The following AFF3 variants were observed in gnomAD, a reference collection of about 807,000 sequenced individuals.
The protein encoded by AFF3 is AF4/FMR2 family member 3.
AFF3 carries 32 observed loss-of-function variants against 129.7 expected under a neutral mutation model. The ratio of observed to expected loss-of-function variants is 0.25; its 90% confidence interval spans 0.19 to 0.33. The LOEUF is 0.33. Among genes scored for constraint, AFF3 ranks in the 10% least tolerant of loss-of-function variants. The pLI, the probability that AFF3 is intolerant of heterozygous loss-of-function variation, is 1.00. For synonymous variants in AFF3, 644 were observed against 635.4 expected, an observed-to-expected ratio of 1.01 and a Z score of -0.20; for missense variants, 1,373 against 1,592.0, an observed-to-expected ratio of 0.86 and a Z score of 2.34.
intron 18 of AFF3, among the ~76,000 whole-genome samples, chr2:99,573,598 CTA>C (rs1215681101): frequency 6.6e-6 from 1 of 152,182 alleles, no homozygotes; most frequent in Non-Finnish European, 1.5e-5. Flanking sequence ...TTCCCATCCT[CTA>C]TAAAATTAAA....
intron 7 of AFF3, among the ~76,000 whole-genome samples, chr2:99,906,594 G>A (rs1270022014): frequency 6.6e-6 from 1 of 152,066 alleles, no homozygotes; most frequent in Non-Finnish European, 1.5e-5. Context: ...TGACTTTAAG[G>A]AAGAGCATCC....
At chr2:99,745,550 A>G (rs1464636260) in intron 9 of AFF3, among the ~76,000 whole-genome samples, 1 of 152,136 alleles carries the variant, frequency 6.6e-6, no homozygotes, top group Non-Finnish European at 1.5e-5. Context: ...CATGCCACTG[A>G]CCTATTATCA....
In AFF3 at chr2:99,560,404, G is replaced by C. The variant is rs1278894281; in HGVS notation, c.3152C>G (p.Pro1051Arg). 1 of 1,614,156 alleles carries C rather than the reference G, an allele frequency of 6.2e-7. No homozygotes were observed. Among genetic ancestry groups the C allele is most frequent in the East Asian group, 2.2e-5 (1 of 44,882 alleles). ...YAMRLKTHSG[P>R]NATPEDKQLA... ...TTGTTTGTCTTCTGGTGTGGCATTG[G>C]GGCCTGAGTGGGTTTTTAGTCTCAT... The change falls in exon 21 of 25, where the codon CCC becomes CGC. Residue 1051 changes from proline (P) to arginine (R), a missense_variant. Transcript: ENST00000672756.
chr2:99,581,016 T>C (rs1257202374), intron 17 of AFF3, among the ~76,000 whole-genome samples: 2 of 152,184 alleles, frequency 1.3e-5, no homozygotes, highest in Non-Finnish European at 1.5e-5. Context: ...CTGAAACCAT[T>C]GGTGGTGAAT....
At chr2:100,041,772 A>G (rs867886670) in intron 4 of AFF3, among the ~76,000 whole-genome samples, 1 of 152,298 alleles carries the variant, frequency 6.6e-6, no homozygotes, top group Non-Finnish European at 1.5e-5. Flanking sequence ...TAATTCATTG[A>G]CTCATTTTGC....
intron 12 of AFF3, among the ~76,000 whole-genome samples, chr2:99,670,206 A>G (rs1479891286): frequency 6.6e-6 from 1 of 152,166 alleles, no homozygotes. Context: ...CACAAAGGCA[A>G]TGGGGAGAAA....
rs1678968468 is a variant in AFF3 at position 99,593,664 on chromosome 2, A to G, written c.1997T>C (p.Ile666Thr). The stretch of plus-strand genomic sequence containing the variant: ...GGATGAAGATGACGACTCTGTCTCA[A>G]TGAACTCCTTGGATTTGGGGACGAT... ...SRIVPKSKEFIETESSSSSSS... is the reference protein window; with the variant it reads ...SRIVPKSKEFTETESSSSSSS... The change falls in exon 15 of 25, where the codon ATT becomes ACT. Residue 666 changes from isoleucine to threonine, a missense_variant. Physicochemically the swap from Ile to Thr is moderately conservative, Grantham distance 89 (BLOSUM62 -1). This residue lies in a region of AFF3 where 466 missense variants were observed against 505.0 expected (regional missense o/e 0.92). Transcript: ENST00000672756. 2 of 1,605,868 alleles carry G rather than the reference A, an allele frequency of 1.2e-6. No homozygotes were observed. The highest frequency in any genetic ancestry group is 1.7e-6 in the Non-Finnish European group (2 of 1,174,460).
intron 7 of AFF3, among the ~76,000 whole-genome samples, chr2:99,940,988 C>A (rs1269861540): frequency 6.6e-6 from 1 of 152,154 alleles, no homozygotes; most frequent in African/African-American, 2.4e-5. Context: ...TCTGGTGCAG[C>A]ACTCTGGGAC....
intron 7 of AFF3, among the ~76,000 whole-genome samples, chr2:99,946,346 C>T (rs141541588): frequency 4.0e-5 from 6 of 151,532 alleles, no homozygotes; most frequent in South Asian, 2.1e-4. Context: ...CATGGGTGGA[C>T]GCCTGTAATC....
At chr2:100,073,898 G>A (rs1688390062) in intron 4 of AFF3, among the ~76,000 whole-genome samples, 2 of 152,096 alleles carry the variant, frequency 1.3e-5, no homozygotes, top group Admixed American at 1.3e-4. Flanking sequence ...TTACGGACCT[G>A]AATAAGAGAC....
At chr2:99,940,641 C>A (rs1558993654) in intron 7 of AFF3, among the ~76,000 whole-genome samples, 2 of 152,170 alleles carry the variant, frequency 1.3e-5, no homozygotes. Context: ...ATAATCCACC[C>A]TTGTTTAGCA....
intron 7 of AFF3, among the ~76,000 whole-genome samples, chr2:99,860,463 A>G (rs1576209890): frequency 2.0e-5 from 3 of 152,154 alleles, no homozygotes; most frequent in African/African-American, 7.2e-5. Flanking sequence ...CTGAGGCAGG[A>G]GAATAGGGTG....
At chr2:99,972,534 T>C (rs1488707244) in intron 7 of AFF3, among the ~76,000 whole-genome samples, 2 of 152,224 alleles carry the variant, frequency 1.3e-5, no homozygotes, top group Admixed American at 6.5e-5. Context: ...TCATCACAGA[T>C]AGTATTTTAC....
intron 1 of AFF3, among the ~76,000 whole-genome samples, chr2:100,133,486 T>A (rs193127241): frequency 6.6e-6 from 1 of 151,964 alleles, no homozygotes; most frequent in African/African-American, 2.4e-5. Flanking sequence ...CAGGCTGGAG[T>A]GCAGTGGCCA....
chr2:100,032,702 C>T (rs936353976), intron 4 of AFF3, among the ~76,000 whole-genome samples: 3 of 152,096 alleles, frequency 2.0e-5, no homozygotes, highest in Non-Finnish European at 4.4e-5. Context: ...CACTGCTCCG[C>T]GGTGCCAATT....
intron 2 of AFF3, among the ~76,000 whole-genome samples, chr2:100,116,028 T>C (rs1461967329): frequency 6.6e-6 from 1 of 152,158 alleles, no homozygotes. Context: ...TGCTATTATG[T>C]GCCTAAGATT....
At chr2:99,833,652 A>G (rs1350934131) in intron 8 of AFF3, among the ~76,000 whole-genome samples, 1 of 152,026 alleles carries the variant, frequency 6.6e-6, no homozygotes, top group African/African-American at 2.4e-5. Flanking sequence ...CAGCACCCCC[A>G]CCCATTAAGT....
At chr2:99,556,449 A>C (rs1007076231) in intron 22 of AFF3, among the ~76,000 whole-genome samples, 1 of 152,174 alleles carries the variant, frequency 6.6e-6, no homozygotes, top group Admixed American at 6.5e-5. Flanking sequence ...CTCAAAAAAA[A>C]ACAACAAAAA....
intron 10 of AFF3, 49 bp downstream of exon 10, chr2:99,744,055 C>A: frequency 6.5e-7 from 1 of 1,541,122 alleles, no homozygotes; most frequent in Non-Finnish European, 8.9e-7. Flanking sequence ...TGCCCTCTGC[C>A]CCCACCCCCT....
Sources: allele counts gnomAD v4.1 joint callset (sites outside exome capture counted in the v4.1 genomes callset), GRCh38; gene constraint gnomAD v4.1.1; regional missense constraint gnomAD v4.1.1; transcripts MANE v1.5; gene names NCBI Gene and HGNC (gene_info 2026-07-23, HGNC 2026-07-21).